Variants in ABL1 observed in about 807,000 individuals in gnomAD.
The protein encoded by ABL1 is ABL proto-oncogene 1, non-receptor tyrosine kinase, also known as tyrosine-protein kinase ABL1.
ABL1 carries 11 observed loss-of-function variants against 94.7 expected under a neutral mutation model. The observed-to-expected ratio is 0.12, with a 90% CI of 0.07 to 0.19. ABL1 has a LOEUF of 0.19. Among genes scored for constraint, ABL1 ranks in the 10% least tolerant of loss-of-function variants. The pLI is 1.00. For synonymous variants in ABL1, 656 were observed against 622.4 expected, an observed-to-expected ratio of 1.05 and a Z score of -0.80; for missense variants, 1,082 against 1,489.4, an observed-to-expected ratio of 0.73 and a Z score of 4.50.
rs1831377447 is a variant in ABL1, at chr9:130,877,876, G to A, written c.1271-539G>A. 6.0e-5 allele frequency among the ~76,000 whole-genome samples: 9 copies of A among 149,386 alleles called. No individual in the cohort carries two copies. The South Asian group carries it at 1.9e-3, about 32-fold the overall frequency. ...GCCTGGAGTGCAGTGGCGCGATCTT[G>A]ATCTTGGCTCACTGCAAGCTCCACC... On this transcript the variant is annotated intron_variant, in intron 7 of 10. Coordinates refer to ENST00000318560, the MANE Select transcript of ABL1 (RefSeq NM_005157.6).
chr9:130,830,641 A>T (rs528078381), upstream of ABL1, among the ~76,000 whole-genome samples: 1 of 152,312 alleles, frequency 6.6e-6, no homozygotes, highest in African/African-American at 2.4e-5. Context: ...TCCCAGTGAG[A>T]TGTAGGCAGG....
At chr9:130,811,031 G>A (rs1251242361) in intron 1 of ABL1, among the ~76,000 whole-genome samples, 3 of 151,920 alleles carry the variant, frequency 2.0e-5, no homozygotes, top group Admixed American at 1.3e-4. Context: ...GAAAACAGTT[G>A]TCTACCTAGA....
intron 1 of ABL1, among the ~76,000 whole-genome samples, chr9:130,839,381 A>T (rs568439505): frequency 4.3e-4 from 66 of 152,186 alleles, no homozygotes; most frequent in Non-Finnish European, 7.1e-4. Flanking sequence ...CTCTCTCCTG[A>T]GGTCATCAGA....
Position 130,878,551 on chromosome 9 carries a change from T to C in ABL1, c.1407T>C (p.Tyr469=), listed in dbSNP as rs1475988459. The C allele has an allele frequency of 2.5e-6, 4 of 1,614,090 alleles. No homozygotes were observed. The highest frequency in any genetic ancestry group is 2.7e-5 in the African/African-American group (2 of 74,936). ...CAGAAGGCTGCCCAGAGAAGGTCTA[T>C]GAACTCATGCGAGCATGTAAGCCTT... ...ERPEGCPEKV[Y]ELMRACWQWN... Residue 469 remains tyrosine (Y), a synonymous_variant, in exon 8 of 11, where the codon TAT becomes TAC. Coordinates refer to ENST00000318560, the MANE Select transcript of ABL1 (RefSeq NM_005157.6).
intron 1 of ABL1, among the ~76,000 whole-genome samples, chr9:130,767,425 C>T (rs1022301062): frequency 9.2e-5 from 14 of 152,184 alleles, no homozygotes; most frequent in Non-Finnish European, 1.6e-4. Flanking sequence ...CTCCGCCTCC[C>T]GGGTTCAAGC....
At chr9:130,821,933 G>A (rs1213536261) in intron 1 of ABL1, among the ~76,000 whole-genome samples, 2 of 150,864 alleles carry the variant, frequency 1.3e-5, no homozygotes, top group East Asian at 3.9e-4. Flanking sequence ...TCTGCCTCCC[G>A]GGTTCATGCC....
chr9:130,886,207 A>AGGGCATGCAC lies in ABL1; in HGVS notation c.*535_*544dup, dbSNP rs1001398047. 1 of 240,656 alleles carries AGGGCATGCAC rather than the reference A, an allele frequency of 4.2e-6. No individual in the cohort carries two copies. Among genetic ancestry groups the AGGGCATGCAC allele is most frequent in the East Asian group, 6.0e-5 (1 of 16,744 alleles). 14.9% of individuals were successfully genotyped at this position (240,656 alleles called of 1,614,324 possible). On this transcript the variant is annotated 3_prime_UTR_variant, in exon 11 of 11. Coordinates refer to ENST00000318560, the MANE Select transcript of ABL1 (RefSeq NM_005157.6). ...ATGTTTCAAGAACCGCATTTCGGGA[A>AGGGCATGCAC]GGGCATGCACGGGCATGCACACGGC...
chr9:130,735,634 A>T (rs528590374), intron 1 of ABL1, among the ~76,000 whole-genome samples: 318 of 151,870 alleles, frequency 2.1e-3, no homozygotes, highest in Non-Finnish European at 4.0e-3. Context: ...GAATATGTAT[A>T]TCTTCCTTCT....
At chr9:130,776,322 G>T (rs2250957) in intron 1 of ABL1, among the ~76,000 whole-genome samples, 1 of 151,996 alleles carries the variant, frequency 6.6e-6, no homozygotes, top group Admixed American at 6.6e-5. Context: ...GAGGCTGGGC[G>T]CGGTGGCTCA....
In ABL1 at chr9:130,887,439, C is replaced by T. The variant is rs7457; in HGVS notation, c.*1756C>T. On this transcript the variant is annotated 3_prime_UTR_variant, in exon 11 of 11. Coordinates refer to ENST00000318560, the MANE Select transcript of ABL1 (RefSeq NM_005157.6). Reference sequence around the variant, plus strand: ...GGTACTGGTCCCTTCCTTTTGTTAACGTGATGTGCCACTATATTTTACACG... The same window carrying T: ...GGTACTGGTCCCTTCCTTTTGTTAATGTGATGTGCCACTATATTTTACACG... 0.1 allele frequency: 23,259 copies of T among 233,244 alleles called. 1,814 individuals carry two copies. Among genetic ancestry groups the T allele is most frequent in the African/African-American group, 0.24 (10,690 of 45,372 alleles). The allele number at this position is 233,244 out of a possible 1,614,324, so 14.4% of individuals were successfully genotyped here. A position where few individuals can be genotyped will look rare whatever the true frequency, so the allele number is the denominator to read the frequency against.
At chr9:130,818,380 G>A (rs1328054769) in intron 1 of ABL1, among the ~76,000 whole-genome samples, 1 of 152,182 alleles carries the variant, frequency 6.6e-6, no homozygotes, top group Non-Finnish European at 1.5e-5. Flanking sequence ...TGAGGCAGGA[G>A]AATCACTTGA....
chr9:130,741,870 T>C (rs1831824588), intron 1 of ABL1, among the ~76,000 whole-genome samples: 1 of 142,008 alleles, frequency 7.0e-6, no homozygotes, highest in Non-Finnish European at 1.5e-5. Flanking sequence ...GAAAAGGAAA[T>C]TGGATGAGGG....
In ABL1 at chr9:130,862,768, C is replaced by T. The variant is rs1027274279; in HGVS notation, c.555C>T (p.Tyr185=). 12 of 1,613,384 alleles carry T rather than the reference C, an allele frequency of 7.4e-6. No individual in the cohort carries two copies. The highest frequency in any genetic ancestry group is 3.3e-4 in the Middle Eastern group (2 of 6,080). The change falls in exon 4 of 11, where the codon TAC becomes TAT. Residue 185 remains tyrosine, a synonymous_variant. Coordinates refer to ENST00000318560, the MANE Select transcript of ABL1 (RefSeq NM_005157.6). The surrounding 1 kb of genome is among the most constrained non-coding windows in gnomAD (Gnocchi z 5.5). ...CTGTTCCCTGTTTCCTTCAGCTCTA[C>T]GTCTCCTCCGAGAGCCGCTTCAACA... is the stretch of plus-strand genomic sequence containing the variant. ...RINTASDGKL[Y]VSSESRFNTL... is the part of the protein sequence containing the mutation.
At chr9:130,811,442 T>C (rs906696855) in intron 1 of ABL1, among the ~76,000 whole-genome samples, 16 of 152,238 alleles carry the variant, frequency 1.1e-4, no homozygotes, top group Middle Eastern at 3.2e-3. Flanking sequence ...CATTGTAGCA[T>C]TTGTAACTTA....
chr9:130,735,264 AG>A (rs1201055267), intron 1 of ABL1, among the ~76,000 whole-genome samples: 1 of 152,160 alleles, frequency 6.6e-6, no homozygotes, highest in African/African-American at 2.4e-5. Context: ...TCCTGACCTC[AG>A]GTGATCAGCC....
At chr9:130,733,803 G>C (rs948950593) in intron 1 of ABL1, among the ~76,000 whole-genome samples, 4 of 151,944 alleles carry the variant, frequency 2.6e-5, no homozygotes, top group Non-Finnish European at 5.9e-5. Context: ...TGTTAGCCAG[G>C]ATGGTCTCGA....
Position 130,735,958 on chromosome 9 carries a change from TATA to T in ABL1, c.136+21504_136+21506del, listed in dbSNP as rs1391230494. ...GCATATATATATATATATATATATA[TATA>T]TTTTTTTTTTTTAAGACAGGGTCTG... On this transcript the variant is annotated intron_variant, in intron 1 of 10. Coordinates refer to the ABL1 transcript ENST00000372348. 7.3e-3 allele frequency among the ~76,000 whole-genome samples: 514 copies of T among 70,554 alleles called. 8 individuals are homozygous for T. The highest frequency in any genetic ancestry group is 0.028 in the Middle Eastern group (5 of 178). The allele number at this position is 70,554 out of a possible 152,430, so 46.3% of individuals were successfully genotyped here. A position where few individuals can be genotyped will look rare whatever the true frequency, so the allele number is the denominator to read the frequency against.
In ABL1 at chr9:130,735,961, A is replaced by ATATATT. The variant is rs573602038; in HGVS notation, c.136+21507_136+21508insATATTT. ...TATATATATATATATATATATATAT[A>ATATATT]TTTTTTTTTTTTAAGACAGGGTCTG... On this transcript the variant is annotated intron_variant, in intron 1 of 10. Coordinates refer to the ABL1 transcript ENST00000372348. Among the ~76,000 whole-genome samples the ATATATT allele has an allele frequency of 4.7e-3, 445 of 94,774 alleles. 4 individuals carry two copies. Among genetic ancestry groups the ATATATT allele is most frequent in the East Asian group, 0.023 (56 of 2,436 alleles). 62.2% of individuals were successfully genotyped at this position (94,774 alleles called of 152,430 possible).
At position 130,854,361 on chromosome 9, in the gene ABL1, AAAC is replaced by A. The variant is rs913958338; in HGVS notation, c.253+131_253+133del. On this transcript the variant is annotated intron_variant, in intron 2 of 10. Transcript: ENST00000318560. ...GAAATCTGGACTGCAGGGATATCCA[AAAC>A]AACAACTGCATGTTTCTAAGGGAGT... 87 of 1,096,628 alleles carry A rather than the reference AAAC, an allele frequency of 7.9e-5. No homozygotes were observed. The African/African-American group carries it at 1.3e-3, about 16-fold the overall frequency. The allele number at this position is 1,096,628 out of a possible 1,614,324, so 67.9% of individuals were successfully genotyped here. A position where few individuals can be genotyped will look rare whatever the true frequency, so the allele number is the denominator to read the frequency against.
Sources: gnomAD v4.1 joint callset for allele counts (sites outside exome capture counted in the v4.1 genomes callset) on GRCh38, gnomAD v4.1.1 for gene constraint, Gnocchi (gnomAD v3.1) non-coding constraint, MANE v1.5 for transcripts, NCBI Gene and HGNC (gene_info 2026-07-23, HGNC 2026-07-21) for gene names.